Variants in B3GAT2 observed in about 807,000 individuals in gnomAD.
B3GAT2 encodes the protein beta-1,3-glucuronyltransferase 2.
A neutral mutation model predicts 27.8 loss-of-function variants in B3GAT2; 26 were observed. The observed-to-expected ratio is 0.93, with a 90% CI of 0.68 to 1.30. The LOEUF is 1.30. Among genes scored for constraint, B3GAT2 ranks in the 50% most tolerant of loss-of-function variants. The pLI is 0.00. For synonymous variants in B3GAT2, 218 were observed against 195.1 expected (o/e 1.12, Z -0.98); for missense variants, 458 against 459.0 (o/e 1.00, Z 0.02).
intron 1 of B3GAT2, among the ~76,000 whole-genome samples, chr6:70,951,260 A>G (rs1415454355): frequency 6.6e-6 from 1 of 152,198 alleles, no homozygotes; most frequent in Non-Finnish European, 1.5e-5. Context: ...AATAAATAAG[A>G]CCATTGACTT....
chr6:70,879,207 TG>T (rs1479086731), intron 2 of B3GAT2, among the ~76,000 whole-genome samples: 1 of 147,610 alleles, frequency 6.8e-6, no homozygotes, highest in Non-Finnish European at 1.5e-5. Context: ...TGTTGTTGTT[TG>T]TTTTTTGAGA....
intron 1 of B3GAT2, among the ~76,000 whole-genome samples, chr6:70,950,812 C>G (rs1470327523): frequency 6.6e-6 from 1 of 152,130 alleles, no homozygotes; most frequent in Non-Finnish European, 1.5e-5. Context: ...AAATAATACA[C>G]GTAAAACCCT....
chr6:70,926,045 C>A (rs1772950950), intron 1 of B3GAT2, among the ~76,000 whole-genome samples: 1 of 152,180 alleles, frequency 6.6e-6, no homozygotes, highest in Non-Finnish European at 1.5e-5. Flanking sequence ...CTGGAGTAGA[C>A]CTCCAGCAAA....
intron 1 of B3GAT2, among the ~76,000 whole-genome samples, chr6:70,953,669 A>G (rs1291466227): frequency 6.6e-6 from 1 of 152,174 alleles, no homozygotes; most frequent in Non-Finnish European, 1.5e-5. Context: ...TATTTTTTGT[A>G]TATGTGGCAC....
At position 70,894,129 on chromosome 6, in the gene B3GAT2, T is replaced by G; in HGVS notation, c.735A>C (p.Ala245=). Residue 245 remains alanine, a splice_region_variant and synonymous_variant, in exon 2 of 4, where the codon GCA becomes GCC. Coordinates refer to ENST00000230053, the MANE Select transcript of B3GAT2 (RefSeq NM_080742.3). ...AATGTCATCACCCACACTGCTCACCTGCCATGTCGATGGCAAAAGGCCTGT... is the reference window on the plus strand; with the variant it reads ...AATGTCATCACCCACACTGCTCACCGGCCATGTCGATGGCAAAAGGCCTGT... The part of the protein sequence containing the change: ...RADRPFAIDM[A]GFAVSLQVIL... 3 of 1,609,540 alleles carry G rather than the reference T, an allele frequency of 1.9e-6. No homozygotes were observed. The highest frequency in any genetic ancestry group is 2.5e-6 in the Non-Finnish European group (3 of 1,177,704).
intron 2 of B3GAT2, among the ~76,000 whole-genome samples, chr6:70,882,425 C>T (rs187711620): frequency 1.3e-4 from 20 of 152,100 alleles, no homozygotes; most frequent in East Asian, 9.7e-4. Context: ...AGTGTGAACC[C>T]GGGAGGTAGA....
chr6:70,942,296 A>G (rs1765404652), intron 1 of B3GAT2, among the ~76,000 whole-genome samples: 1 of 152,212 alleles, frequency 6.6e-6, no homozygotes, highest in Admixed American at 6.5e-5. Context: ...CTTCTCTCAA[A>G]GATGAGAACA....
chr6:70,868,729 C>A (rs902358963), intron 2 of B3GAT2, among the ~76,000 whole-genome samples: 1 of 152,008 alleles, frequency 6.6e-6, no homozygotes, highest in Non-Finnish European at 1.5e-5. Flanking sequence ...TCCCCCCCCA[C>A]GTTAAACAAT....
intron 1 of B3GAT2, among the ~76,000 whole-genome samples, chr6:70,915,751 C>T (rs775048967): frequency 1.3e-5 from 2 of 152,104 alleles, no homozygotes; most frequent in African/African-American, 4.8e-5. Context: ...TGTTCTATTC[C>T]GTTGGTCTAC....
At chr6:70,908,549 T>C (rs1772637326) in intron 1 of B3GAT2, among the ~76,000 whole-genome samples, 1 of 152,156 alleles carries the variant, frequency 6.6e-6, no homozygotes, top group South Asian at 2.1e-4. Context: ...GCAATATAAA[T>C]AAACCTCAAA....
At chr6:70,902,719 A>C (rs1772527446) in intron 1 of B3GAT2, among the ~76,000 whole-genome samples, 1 of 151,726 alleles carries the variant, frequency 6.6e-6, no homozygotes, top group African/African-American at 2.4e-5. Context: ...TTAGAAAAGA[A>C]GGAAATCCTG....
intron 1 of B3GAT2, among the ~76,000 whole-genome samples, chr6:70,954,916 G>GGA (rs1554218593): frequency 1.4e-5 from 1 of 73,966 alleles, no homozygotes; most frequent in Non-Finnish European, 3.0e-5. Context: ...CGGGGGCGGC[G>GGA]GGGGGGGGCG....
chr6:70,952,096 T>TG (rs1215429533), intron 1 of B3GAT2, among the ~76,000 whole-genome samples: 5 of 152,050 alleles, frequency 3.3e-5, no homozygotes, highest in African/African-American at 1.2e-4. Context: ...CAAATACTTC[T>TG]GAAAAAAAAG....
At chr6:70,882,199 C>T (rs529287176) in intron 2 of B3GAT2, among the ~76,000 whole-genome samples, 9 of 152,142 alleles carry the variant, frequency 5.9e-5, no homozygotes, top group South Asian at 2.1e-4. Context: ...AAAGCACAGA[C>T]GACAAAAGAT....
intron 1 of B3GAT2, among the ~76,000 whole-genome samples, chr6:70,936,657 G>A (rs560327894): frequency 6.6e-6 from 1 of 151,996 alleles, no homozygotes; most frequent in Admixed American, 6.6e-5. Flanking sequence ...ATGACTACTG[G>A]GTACATAACG....
intron 1 of B3GAT2, among the ~76,000 whole-genome samples, chr6:70,940,820 C>T (rs1353551657): frequency 6.6e-6 from 1 of 152,086 alleles, no homozygotes; most frequent in African/African-American, 2.4e-5. Flanking sequence ...CCTAGCTACT[C>T]AGGAGGCTGA....
chr6:70,933,657 A>C (rs1017514803), intron 1 of B3GAT2, among the ~76,000 whole-genome samples: 3 of 152,336 alleles, frequency 2.0e-5, no homozygotes, highest in Middle Eastern at 6.8e-3. Flanking sequence ...TGCAATGCCA[A>C]GTTTATTTAG....
intron 1 of B3GAT2, among the ~76,000 whole-genome samples, chr6:70,909,979 T>C (rs370823596): frequency 6.6e-6 from 1 of 152,138 alleles, no homozygotes; most frequent in South Asian, 2.1e-4. Context: ...GTTCATGCCA[T>C]TCTCCTGCCT....
chr6:70,939,975 A>C (rs1388263935), intron 1 of B3GAT2, among the ~76,000 whole-genome samples: 1 of 152,184 alleles, frequency 6.6e-6, no homozygotes. Context: ...AAATTCTTTT[A>C]GAAATTATGT....
Sources: allele counts gnomAD v4.1 joint callset (sites outside exome capture counted in the v4.1 genomes callset), GRCh38; gene constraint gnomAD v4.1.1; transcripts MANE v1.5; gene names NCBI Gene and HGNC (gene_info 2026-07-23, HGNC 2026-07-21).